Variants in XIRP2 observed in about 807,000 individuals in gnomAD.
XIRP2 encodes xin actin-binding repeat-containing protein 2.
In XIRP2, 236 loss-of-function variants were observed where a neutral mutation model predicts 277.0. That is an observed-to-expected ratio of 0.85 (90% confidence interval 0.77 to 0.95). The LOEUF (loss-of-function observed/expected upper bound fraction) is 0.95, where lower values mean the gene tolerates loss of function less well. XIRP2 is among the 40% of genes least tolerant of loss of function. The pLI is 0.00. For synonymous variants in XIRP2, 1,490 were observed against 1,416.5 expected (o/e 1.05, Z -1.17); for missense variants, 4,640 against 4,157.5 (o/e 1.12, Z -3.19).
At chr2:166,900,862 G>T (rs1052157272) in intron 1 of XIRP2, among the ~76,000 whole-genome samples, 4 of 152,162 alleles carry the variant, frequency 2.6e-5, no homozygotes, top group Non-Finnish European at 5.9e-5. Flanking sequence ...TCTTGATACC[G>T]CTAGGTGGGG....
At position 166,962,980 on chromosome 2, in the gene XIRP2, A is replaced by G. The variant is rs148884576; in HGVS notation, c.408+59090A>G. Among the ~76,000 whole-genome samples, 533 of 151,768 alleles carry G rather than the reference A, an allele frequency of 3.5e-3. 4 individuals carry two copies. The highest frequency in any genetic ancestry group is 0.012 in the African/African-American group (503 of 41,480). ...GGATGACTATGGTTAACAATAATAT[A>G]TAGTTTCAAATAGCTAGGAGGAGGA... On this transcript the variant is annotated intron_variant, in intron 2 of 10. Coordinates refer to ENST00000409195, the MANE Select transcript of XIRP2 (RefSeq NM_152381.6).
intron 2 of XIRP2, among the ~76,000 whole-genome samples, chr2:166,962,133 C>A (rs550749804): frequency 6.6e-6 from 1 of 151,608 alleles, no homozygotes; most frequent in African/African-American, 2.4e-5. Context: ...TGTTTAGAAT[C>A]CTGGGCACCT....
intron 2 of XIRP2, among the ~76,000 whole-genome samples, chr2:167,003,911 A>G (rs1687436927): frequency 6.6e-6 from 1 of 151,962 alleles, no homozygotes; most frequent in Non-Finnish European, 1.5e-5. Flanking sequence ...TATCAAATAT[A>G]TTGCAAAATA....
intron 2 of XIRP2, among the ~76,000 whole-genome samples, chr2:167,072,057 C>A (rs947869758): frequency 3.3e-5 from 5 of 152,042 alleles, no homozygotes; most frequent in African/African-American, 9.7e-5. Flanking sequence ...AAATAATGAT[C>A]ATTTAATACA....
intron 3 of XIRP2, among the ~76,000 whole-genome samples, chr2:167,203,835 G>C (rs959208877): frequency 6.6e-6 from 1 of 152,156 alleles, no homozygotes; most frequent in Non-Finnish European, 1.5e-5. Flanking sequence ...TCATGCTAAT[G>C]GCTCTGAGCC....
chr2:166,914,308 C>T (rs1684799130), intron 2 of XIRP2, among the ~76,000 whole-genome samples: 2 of 152,046 alleles, frequency 1.3e-5, no homozygotes, highest in Admixed American at 1.3e-4. Context: ...ACTTCTGGAA[C>T]TCTAAGATAA....
rs554449383 is a variant in XIRP2, at chr2:166,910,507, T to C, written c.408+6617T>C. 4.6e-5 allele frequency among the ~76,000 whole-genome samples: 7 copies of C among 152,360 alleles called. 1 individual carries two copies. Among genetic ancestry groups the C allele is most frequent in the African/African-American group, 1.7e-4 (7 of 41,586 alleles). On this transcript the variant is annotated intron_variant, in intron 2 of 10. Transcript: ENST00000409195. Reference sequence around the variant, plus strand: ...ATCTATTTGATTCTTCTCTCTTTTCTTCTTTATTAGTCTTGCTGATGGTCT... The same window carrying C: ...ATCTATTTGATTCTTCTCTCTTTTCCTCTTTATTAGTCTTGCTGATGGTCT...
intron 2 of XIRP2, among the ~76,000 whole-genome samples, chr2:167,024,529 G>T (rs1158581325): frequency 6.6e-6 from 1 of 152,132 alleles, no homozygotes; most frequent in Non-Finnish European, 1.5e-5. Flanking sequence ...CCTGTCTTGT[G>T]CCAGTTTTCA....
intron 2 of XIRP2, among the ~76,000 whole-genome samples, chr2:167,111,083 A>G (rs1200216781): frequency 1.3e-5 from 2 of 152,088 alleles, no homozygotes; most frequent in African/African-American, 2.4e-5. Flanking sequence ...GACCCAGACT[A>G]TGGGGTTTTT....
chr2:167,096,645 T>C (rs1256607264), intron 2 of XIRP2, among the ~76,000 whole-genome samples: 1 of 152,220 alleles, frequency 6.6e-6, no homozygotes, highest in African/African-American at 2.4e-5. Context: ...GATGTTAGAA[T>C]GTCAATTTTA....
chr2:167,022,941 A>G (rs1688027367), intron 2 of XIRP2, among the ~76,000 whole-genome samples: 1 of 152,142 alleles, frequency 6.6e-6, no homozygotes, highest in South Asian at 2.1e-4. Context: ...TTATAGCAGC[A>G]TGATTTATAG....
At chr2:167,121,789 A>G (rs563835794) in intron 2 of XIRP2, among the ~76,000 whole-genome samples, 1 of 152,278 alleles carries the variant, frequency 6.6e-6, no homozygotes, top group African/African-American at 2.4e-5. Flanking sequence ...CAGAATGAAA[A>G]TAAGGTTACA....
chr2:166,944,539 A>C (rs974774306), intron 2 of XIRP2, among the ~76,000 whole-genome samples: 20 of 152,248 alleles, frequency 1.3e-4, no homozygotes, highest in African/African-American at 4.6e-4. Flanking sequence ...ATGTCATAGC[A>C]GATGAGAGCC....
chr2:167,084,308 A>G (rs1419115502), intron 2 of XIRP2, among the ~76,000 whole-genome samples: 1 of 152,132 alleles, frequency 6.6e-6, no homozygotes, highest in African/African-American at 2.4e-5. Flanking sequence ...ATCATGGTGG[A>G]TAAGTTTTTT....
Position 167,245,383 on chromosome 2 carries a change from T to G in XIRP2, c.3991T>G (p.Tyr1331Asp). 1 of 1,613,752 alleles carries G rather than the reference T, an allele frequency of 6.2e-7. No individual in the cohort carries two copies. The highest frequency in any genetic ancestry group is 1.3e-5 in the African/African-American group (1 of 75,018). The change falls in exon 9 of 11, where the codon TAT becomes GAT. Residue 1331 changes from tyrosine to aspartate, a missense_variant. Physicochemically the swap from Tyr to Asp is radical, Grantham distance 160. Transcript: ENST00000409195. ...LYAIQDREGS[Y>D]HEVTTVKKEE... ...TGCAATTCAAGACCGAGAAGGGTCC[T>G]ATCATGAAGTGACCACAGTTAAAAA...
intron 2 of XIRP2, among the ~76,000 whole-genome samples, chr2:166,961,421 A>G (rs896152816): frequency 3.3e-5 from 5 of 151,758 alleles, no homozygotes; most frequent in Admixed American, 1.3e-4. Flanking sequence ...AATTTGTATT[A>G]TAAGTTACTT....
intron 3 of XIRP2, among the ~76,000 whole-genome samples, chr2:167,162,699 T>C (rs980596798): frequency 2.6e-5 from 4 of 152,214 alleles, no homozygotes; most frequent in African/African-American, 9.6e-5. Flanking sequence ...TTTCGTATAT[T>C]TTTATTGAGG....
intron 2 of XIRP2, among the ~76,000 whole-genome samples, chr2:167,034,725 G>A (rs1018303602): frequency 6.6e-6 from 1 of 152,192 alleles, no homozygotes. Context: ...AGTCAATTCA[G>A]CAAGAGTATA....
intron 2 of XIRP2, among the ~76,000 whole-genome samples, chr2:167,064,632 A>G (rs1346572573): frequency 6.6e-6 from 1 of 151,810 alleles, no homozygotes; most frequent in African/African-American, 2.4e-5. Flanking sequence ...TTCAAATGAA[A>G]TTTCTATACT....
Sources: gnomAD v4.1 joint callset for allele counts (sites outside exome capture counted in the v4.1 genomes callset) on GRCh38, gnomAD v4.1.1 for gene constraint, MANE v1.5 for transcripts, NCBI Gene and HGNC (gene_info 2026-07-23, HGNC 2026-07-21) for gene names.